Variants in INSR observed in about 807,000 individuals in gnomAD.
INSR encodes the protein IR.
A neutral mutation model predicts 142.6 loss-of-function variants in INSR; 67 were observed. The observed-to-expected ratio is 0.47, with a 90% confidence interval of 0.39 to 0.58. The LOEUF is 0.58. Among genes scored for constraint, INSR ranks in the 20% least tolerant of loss-of-function variants. INSR has a pLI of 0.00. For missense variants in INSR, 1,248 were observed against 1,833.2 expected (o/e 0.68, Z 5.83); for synonymous variants, 756 against 743.1 (o/e 1.02, Z -0.28).
chr19:7,194,271 G>C (rs903650188), intron 2 of INSR, among the ~76,000 whole-genome samples: 1 of 151,942 alleles, frequency 6.6e-6, no homozygotes. Flanking sequence ...ACAAAAATTA[G>C]CTGGGCGTGG....
At chr19:7,118,847 G>A (rs1294965092) in intron 21 of INSR, among the ~76,000 whole-genome samples, 7 of 149,300 alleles carry the variant, frequency 4.7e-5, no homozygotes, top group South Asian at 2.1e-4. Context: ...CCCGGGAGGC[G>A]GAGCTTGAAG....
chr19:7,236,600 G>A (rs1344073905), intron 2 of INSR, among the ~76,000 whole-genome samples: 5 of 152,166 alleles, frequency 3.3e-5, no homozygotes, highest in Admixed American at 2.0e-4. Context: ...CATGGCTCAC[G>A]CCTCTAATCC....
intron 3 of INSR, among the ~76,000 whole-genome samples, chr19:7,177,409 G>C (rs1172680996): frequency 6.6e-6 from 1 of 152,182 alleles, no homozygotes; most frequent in Non-Finnish European, 1.5e-5. Context: ...GACTGATCAG[G>C]TACATCGCTT....
chr19:7,198,075 G>A (rs1254615826), intron 2 of INSR, among the ~76,000 whole-genome samples: 1 of 151,788 alleles, frequency 6.6e-6, no homozygotes, highest in East Asian at 1.9e-4. Context: ...GTCTGCGTGT[G>A]TGCCCATGGG....
chr19:7,194,442 G>A (rs1251343637), intron 2 of INSR, among the ~76,000 whole-genome samples: 5 of 149,216 alleles, frequency 3.4e-5, no homozygotes, highest in African/African-American at 1.2e-4. Flanking sequence ...AATTATCTTT[G>A]CCTTATTACA....
intron 21 of INSR, among the ~76,000 whole-genome samples, chr19:7,118,714 C>T (rs1431158009): frequency 2.7e-5 from 4 of 147,274 alleles, no homozygotes; most frequent in East Asian, 4.0e-4. Context: ...GTCAGGAGAT[C>T]GAGACCACGG....
At chr19:7,248,303 G>A (rs10403033) in intron 2 of INSR, among the ~76,000 whole-genome samples, 16,282 of 148,848 alleles carry the variant, frequency 0.11, 2,442 homozygotes, top group African/African-American at 0.34. Context: ...GCACCACCGC[G>A]CCTGGCTAAT....
chr19:7,163,793 C>T (rs147385711), intron 8 of INSR, among the ~76,000 whole-genome samples: 4 of 151,112 alleles, frequency 2.6e-5, no homozygotes, highest in African/African-American at 9.7e-5. Context: ...AGTTTGAATT[C>T]GAGGCCAGGC....
intron 2 of INSR, among the ~76,000 whole-genome samples, chr19:7,197,172 T>C (rs2145029164): frequency 6.6e-6 from 1 of 152,340 alleles, no homozygotes; most frequent in Non-Finnish European, 1.5e-5. Flanking sequence ...TTTCCTTGCC[T>C]GACAATACCG....
At chr19:7,210,564 G>A (rs1374086491) in intron 2 of INSR, among the ~76,000 whole-genome samples, 2 of 152,064 alleles carry the variant, frequency 1.3e-5, no homozygotes, top group Non-Finnish European at 1.5e-5. Context: ...CTGGTCCTCA[G>A]TTTCCCTGTC....
chr19:7,237,012 G>A (rs8104283), intron 2 of INSR, among the ~76,000 whole-genome samples: 66,849 of 145,898 alleles, frequency 0.46, 16,021 homozygotes, highest in African/African-American at 0.55. Context: ...GGGTGACAGC[G>A]TGAGACTCTG....
intron 15 of INSR, 128 bp from the exon 16 acceptor site, chr19:7,126,779 G>C: frequency 2.4e-6 from 2 of 842,954 alleles, no homozygotes; most frequent in South Asian, 2.9e-5. Flanking sequence ...CCTAGATGCA[G>C]TCTAGGGCAG....
chr19:7,232,221 A>AT (rs61588476), intron 2 of INSR, among the ~76,000 whole-genome samples: 105,577 of 151,430 alleles, frequency 0.7, 37,185 homozygotes, highest in East Asian at 0.81. Flanking sequence ...ATTTTATTTT[A>AT]TTTATTTTGA....
At chr19:7,153,001 C>CA (rs1973419787) in intron 9 of INSR, 74 bp from the exon 10 acceptor site, 1 of 734,300 alleles carries the variant, frequency 1.4e-6, no homozygotes, top group Non-Finnish European at 2.1e-6. Flanking sequence ...ACACACCCCA[C>CA]ACACACACAC....
At chr19:7,123,113 C>G (rs1972535185) in intron 17 of INSR, 124 bp from the exon 18 acceptor site, 1 of 740,938 alleles carries the variant, frequency 1.3e-6, no homozygotes, top group Non-Finnish European at 2.4e-6. Flanking sequence ...CGTGCTCAGC[C>G]CTGGTCTAGG....
Position 7,166,533 on chromosome 19 carries a change from A to AGAAAAAATAACTCGG in INSR, c.1611-144_1611-130dup, listed in dbSNP as rs1355499803. 3 of 992,702 alleles carry AGAAAAAATAACTCGG rather than the reference A, an allele frequency of 3.0e-6. No homozygotes were observed. The highest frequency in any genetic ancestry group is 4.6e-6 in the Non-Finnish European group (3 of 656,100). 61.5% of individuals were successfully genotyped at this position (992,702 alleles called of 1,614,324 possible). On this transcript the variant is annotated intron_variant, in intron 7 of 21. Coordinates refer to ENST00000302850, the MANE Select transcript of INSR (RefSeq NM_000208.4). The surrounding 1 kb of genome is among the most constrained non-coding windows in gnomAD (Gnocchi z 4.1). ...ACTCACCCAACAATCTAATGCCACA[A>AGAAAAAATAACTCGG]GAAAAAATAACTCGGGAACAGCCAA... is the stretch of plus-strand genomic sequence containing the variant.
intron 2 of INSR, among the ~76,000 whole-genome samples, chr19:7,237,244 C>A (rs1231102701): frequency 6.6e-6 from 1 of 152,032 alleles, no homozygotes. Flanking sequence ...ACAGGCCAGA[C>A]GCGGTGGCTC....
At chr19:7,257,901 C>A (rs1484831964) in intron 2 of INSR, among the ~76,000 whole-genome samples, 2 of 152,194 alleles carry the variant, frequency 1.3e-5, no homozygotes, top group Non-Finnish European at 2.9e-5. Flanking sequence ...CCACTCATTG[C>A]AACTTCCGCC....
chr19:7,116,700 CAAAAAA>C lies in INSR; in HGVS notation c.*350_*355del, dbSNP rs71177157. On this transcript the variant is annotated 3_prime_UTR_variant, in exon 22 of 22. Transcript: ENST00000302850. ...TTTTATACTGAAGCTCAGACACCAG[CAAAAAA>C]AAAAAAAAAAAAAAAGAATTTGTAA... The C allele has an allele frequency of 3.8e-3, 194 of 50,528 alleles. No homozygotes were observed. The highest frequency in any genetic ancestry group is 0.012 in the African/African-American group (178 of 14,254). 3.1% of individuals were successfully genotyped at this position (50,528 alleles called of 1,614,324 possible).
Sources: gnomAD v4.1 joint callset for allele counts (sites outside exome capture counted in the v4.1 genomes callset) on GRCh38, gnomAD v4.1.1 for gene constraint, Gnocchi (gnomAD v3.1) non-coding constraint, MANE v1.5 for transcripts, NCBI Gene and HGNC (gene_info 2026-07-23, HGNC 2026-07-21) for gene names.